TPST1: variants seen among roughly 807,000 people sequenced by gnomAD.
TPST1 encodes protein-tyrosine sulfotransferase 1.
Under a neutral mutation model 34.8 loss-of-function variants are expected in TPST1, and 20 were observed. The observed-to-expected ratio is 0.57, with a 90% CI of 0.40 to 0.84. TPST1 has a LOEUF of 0.84. Among genes scored for constraint, TPST1 ranks in the 40% least tolerant of loss-of-function variants. The probability of loss-of-function intolerance (pLI) is 0.00; values close to 1 mark genes in which losing one functional copy is unlikely to be tolerated. For missense variants in TPST1, 353 were observed against 455.5 expected (o/e 0.78, Z 2.05); for synonymous variants, 152 against 159.4 (o/e 0.95, Z 0.35).
chr7:66,292,776 G>A lies in TPST1; in HGVS notation c.1044+6067G>A, dbSNP rs1312465768. Among the ~76,000 whole-genome samples, 4 of 148,434 alleles carry A rather than the reference G, an allele frequency of 2.7e-5. No individual in the cohort carries two copies. In the South Asian group the frequency reaches 8.8e-4, roughly 33 times the overall value. On this transcript the variant is annotated intron_variant, in intron 3 of 5. Transcript: ENST00000304842. ...ACTGTCTGGCACTCCCTAGTGAGAT[G>A]AACCCGGTACCTCAGATGGAAATGC...
intron 1 of TPST1, among the ~76,000 whole-genome samples, chr7:66,228,065 T>C (rs1789701984): frequency 6.6e-6 from 1 of 152,222 alleles, no homozygotes; most frequent in Admixed American, 6.5e-5. Context: ...TACAAGTATA[T>C]TTCCAGGTTT....
chr7:66,343,319 A>G (rs1385165626), intron 3 of TPST1, among the ~76,000 whole-genome samples: 1 of 152,128 alleles, frequency 6.6e-6, no homozygotes, highest in Non-Finnish European at 1.5e-5. Context: ...ACCAAAAACT[A>G]CATGTTCCGA....
At chr7:66,313,245 A>G (rs1027762813) in intron 3 of TPST1, among the ~76,000 whole-genome samples, 34 of 151,904 alleles carry the variant, frequency 2.2e-4, no homozygotes, top group Non-Finnish European at 1.8e-4. Flanking sequence ...GAAACCCTGA[A>G]TCTACTGAAA....
intron 3 of TPST1, among the ~76,000 whole-genome samples, chr7:66,337,571 A>T: frequency 6.6e-6 from 1 of 152,102 alleles, no homozygotes; most frequent in East Asian, 1.9e-4. Flanking sequence ...GGCCTCCTGA[A>T]GTGCTGGGAT....
chr7:66,268,861 G>A (rs904273570), intron 2 of TPST1, among the ~76,000 whole-genome samples: 13 of 152,074 alleles, frequency 8.5e-5, no homozygotes, highest in African/African-American at 3.1e-4. Context: ...GCTAATTTTT[G>A]TATTTTTAGT....
chr7:66,204,038 A>T (rs1248173477), upstream of TPST1, among the ~76,000 whole-genome samples: 7 of 151,954 alleles, frequency 4.6e-5, no homozygotes, highest in African/African-American at 1.7e-4. Flanking sequence ...TTAGCCAGGC[A>T]TGGTGGCACA....
intron 3 of TPST1, among the ~76,000 whole-genome samples, chr7:66,341,752 A>G (rs1424474629): frequency 6.6e-6 from 1 of 152,238 alleles, no homozygotes; most frequent in Non-Finnish European, 1.5e-5. Context: ...ACCAAAAGAA[A>G]GAAAAATGTA....
At chr7:66,318,101 C>T (rs1420761135) in intron 3 of TPST1, among the ~76,000 whole-genome samples, 4 of 152,020 alleles carry the variant, frequency 2.6e-5, no homozygotes, top group Non-Finnish European at 4.4e-5. Flanking sequence ...GAGGTTACAG[C>T]GAGCCGAGAT....
chr7:66,218,820 C>T (rs1395235118), intron 1 of TPST1, among the ~76,000 whole-genome samples: 1 of 150,190 alleles, frequency 6.7e-6, no homozygotes, highest in East Asian at 2.0e-4. Flanking sequence ...GCACTCCAGC[C>T]TGGGTGACAG....
At chr7:66,245,885 A>G (rs992365895) in intron 2 of TPST1, among the ~76,000 whole-genome samples, 4 of 152,118 alleles carry the variant, frequency 2.6e-5, no homozygotes, top group African/African-American at 9.7e-5. Context: ...TAAATATTAC[A>G]TGTGGTGTTT....
intron 3 of TPST1, among the ~76,000 whole-genome samples, chr7:66,300,821 G>A (rs1025455516): frequency 3.9e-5 from 6 of 151,908 alleles, no homozygotes; most frequent in African/African-American, 1.5e-4. Context: ...TGGCGCATGT[G>A]TGTAATCCCA....
At chr7:66,255,369 G>A (rs1790364310) in intron 2 of TPST1, among the ~76,000 whole-genome samples, 1 of 152,040 alleles carries the variant, frequency 6.6e-6, no homozygotes, top group Non-Finnish European at 1.5e-5. Flanking sequence ...GCTGTGCCAA[G>A]GTTGAGAAAC....
chr7:66,335,570 C>T (rs773288891), intron 3 of TPST1, among the ~76,000 whole-genome samples: 4 of 152,142 alleles, frequency 2.6e-5, no homozygotes, highest in African/African-American at 7.2e-5. Flanking sequence ...GTTTACCTTT[C>T]GGTGGTCACT....
chr7:66,357,319 T>G (rs1792601217), intron 5 of TPST1, among the ~76,000 whole-genome samples: 1 of 152,140 alleles, frequency 6.6e-6, no homozygotes, highest in South Asian at 2.1e-4. Flanking sequence ...TTACTTCTGG[T>G]TACCTGTTCA....
chr7:66,211,568 T>C (rs1404415451), intron 1 of TPST1, among the ~76,000 whole-genome samples: 1 of 152,262 alleles, frequency 6.6e-6, no homozygotes, highest in Non-Finnish European at 1.5e-5. Flanking sequence ...TGATAAGTGA[T>C]ATAAAACAGA....
intron 2 of TPST1, among the ~76,000 whole-genome samples, chr7:66,259,574 AT>A (rs1299546168): frequency 6.6e-6 from 1 of 151,770 alleles, no homozygotes; most frequent in Non-Finnish European, 1.5e-5. Context: ...TAGTTCACTG[AT>A]TTTTTTCAAT....
At chr7:66,231,461 G>A (rs1020691065) in intron 1 of TPST1, among the ~76,000 whole-genome samples, 7 of 152,240 alleles carry the variant, frequency 4.6e-5, no homozygotes, top group African/African-American at 1.7e-4. Context: ...TGGAGGGGGT[G>A]GGAGGCTCAG....
chr7:66,262,594 A>C (rs1001903934), intron 2 of TPST1, among the ~76,000 whole-genome samples: 2 of 151,978 alleles, frequency 1.3e-5, no homozygotes, highest in African/African-American at 4.8e-5. Context: ...TTGGAACTCT[A>C]TCCTGGAGAG....
intron 2 of TPST1, among the ~76,000 whole-genome samples, chr7:66,255,418 T>C (rs1790364986): frequency 6.6e-6 from 1 of 152,196 alleles, no homozygotes; most frequent in Admixed American, 6.5e-5. Context: ...TATTTTATTA[T>C]TATGCAGAAT....
Sources: allele counts gnomAD v4.1 joint callset (sites outside exome capture counted in the v4.1 genomes callset), GRCh38; gene constraint gnomAD v4.1.1; transcripts MANE v1.5; gene names NCBI Gene and HGNC (gene_info 2026-07-23, HGNC 2026-07-21).